Variants in DHX57 observed in about 807,000 individuals in gnomAD.
DHX57 encodes DExH-box helicase 57.
DHX57 carries 105 observed loss-of-function variants against 156.2 expected under a neutral mutation model. The ratio of observed to expected loss-of-function variants is 0.67; its 90% CI spans 0.57 to 0.79. The LOEUF is 0.79. DHX57 is among the 30% of genes least tolerant of loss of function. DHX57 has a pLI of 0.00. For missense variants in DHX57, 1,847 were observed against 1,661.9 expected, an observed-to-expected ratio of 1.11 and a Z score of -1.94; for synonymous variants, 704 against 595.6, an observed-to-expected ratio of 1.18 and a Z score of -2.65.
intron 17 of DHX57, among the ~76,000 whole-genome samples, chr2:38,820,109 T>C (rs890095185): frequency 3.9e-4 from 59 of 152,218 alleles, no homozygotes; most frequent in Non-Finnish European, 1.2e-4. Flanking sequence ...CCAACCATAG[T>C]GCTTCTCTCT....
chr2:38,815,251 T>C (rs1670465824), intron 20 of DHX57, among the ~76,000 whole-genome samples: 1 of 151,484 alleles, frequency 6.6e-6, no homozygotes, highest in South Asian at 2.1e-4. Flanking sequence ...TGTAGAGAGA[T>C]GAGGGATTTC....
chr2:38,822,292 G>C (rs909189500), intron 17 of DHX57, among the ~76,000 whole-genome samples: 2 of 152,098 alleles, frequency 1.3e-5, no homozygotes, highest in Non-Finnish European at 2.9e-5. Context: ...TGTTGGTCAG[G>C]CTGGTCTCAA....
chr2:38,823,428 C>G (rs1172338867), intron 16 of DHX57, among the ~76,000 whole-genome samples, 159 bp from the exon 17 acceptor site: 1 of 152,198 alleles, frequency 6.6e-6, no homozygotes, highest in Non-Finnish European at 1.5e-5. Context: ...AAAACACTTT[C>G]AGATTCTGAA....
intron 13 of DHX57, among the ~76,000 whole-genome samples, chr2:38,836,947 G>A (rs1671702606): frequency 6.6e-6 from 1 of 151,946 alleles, no homozygotes; most frequent in Non-Finnish European, 1.5e-5. Flanking sequence ...CCACCTCTCA[G>A]GCTAAGGCAA....
rs564856474 is a variant in DHX57, at chr2:38,846,971, C to A, written c.2219+48G>T. 7.3e-6 allele frequency: 11 copies of A among 1,516,326 alleles called. No homozygotes were observed. The South Asian group carries it at 1.3e-4, about 18-fold the overall frequency. The allele number at this position is 1,516,326 out of a possible 1,614,324, so 93.9% of individuals were successfully genotyped here. A position where few individuals can be genotyped will look rare whatever the true frequency, so the allele number is the denominator to read the frequency against. The stretch of plus-strand genomic sequence containing the variant: ...AAAGTGCTAGAATTACAGGGATGAA[C>A]CACCATGCCAGGTCCTTTCACTGAA... On this transcript the variant is annotated intron_variant, in intron 11 of 23. Coordinates refer to ENST00000457308, the MANE Select transcript of DHX57 (RefSeq NM_198963.3).
chr2:38,867,570 G>A (rs1031296365), intron 2 of DHX57, among the ~76,000 whole-genome samples: 1 of 152,082 alleles, frequency 6.6e-6, no homozygotes, highest in Non-Finnish European at 1.5e-5. Context: ...TTCAATGTTT[G>A]TTTTTTGAGA....
intron 1 of DHX57, among the ~76,000 whole-genome samples, chr2:38,871,117 G>C (rs1001363784): frequency 5.9e-5 from 9 of 152,016 alleles, no homozygotes; most frequent in Admixed American, 5.2e-4. Context: ...ACTAGTAAAG[G>C]TAATTGAGTA....
intron 1 of DHX57, among the ~76,000 whole-genome samples, chr2:38,872,340 G>C (rs1279321609): frequency 1.3e-5 from 2 of 152,142 alleles, no homozygotes; most frequent in South Asian, 2.1e-4. Context: ...GAGAAATACA[G>C]ACATCCAAAA....
intron 21 of DHX57, among the ~76,000 whole-genome samples, chr2:38,809,792 T>C (rs1414438466): frequency 1.3e-5 from 2 of 152,174 alleles, no homozygotes; most frequent in Non-Finnish European, 2.9e-5. Context: ...GCATTTCTTC[T>C]TGCTAGTAAC....
At position 38,823,267 on chromosome 2, in the gene DHX57, A is replaced by C; in HGVS notation, c.3017T>G (p.Ile1006Ser). ...RVPLEQLCLRIKILEMFSAHN... is the reference protein window; with the variant it reads ...RVPLEQLCLRSKILEMFSAHN... ...AGCACTAAACATCTCTAAAATTTTA[A>C]TTCTGAAAAGGAAACAAAATAATAA... The change falls in exon 17 of 24, where the codon ATT becomes AGT. Residue 1006 changes from isoleucine (I) to serine (S), a missense_variant and splice_region_variant. Coordinates refer to ENST00000457308, the MANE Select transcript of DHX57 (RefSeq NM_198963.3). 1 of 1,609,832 alleles carries C rather than the reference A, an allele frequency of 6.2e-7. No homozygotes were observed. Among genetic ancestry groups the C allele is most frequent in the Non-Finnish European group, 8.5e-7 (1 of 1,176,564 alleles).
intron 5 of DHX57, 112 bp downstream of exon 5, chr2:38,860,887 C>CTTTTTTT: frequency 2.1e-5 from 19 of 886,650 alleles, no homozygotes; most frequent in East Asian, 2.6e-5. Context: ...GACTTAATGG[C>CTTTTTTT]TTGTTCAGCT....
Position 38,828,341 on chromosome 2 carries a change from G to C in DHX57, c.2638C>G (p.Arg880Gly). ...GAATATAGAAAGCAATTAGCTTACCGATTACTACGTCTGTTGTTGAAAAGA... is the reference window on the plus strand; with the variant it reads ...GAATATAGAAAGCAATTAGCTTACCCATTACTACGTCTGTTGTTGAAAAGA... Reference protein sequence around the residue: ...NSLFNNRRSNRCVIHPLHSSL... With the variant: ...NSLFNNRRSNGCVIHPLHSSL... The change falls in exon 14 of 24, where the codon CGA becomes GGA. Residue 880 changes from arginine to glycine, a missense_variant and splice_region_variant. By Grantham distance (125) the Arg-to-Gly change is moderately radical. Coordinates refer to ENST00000457308, the MANE Select transcript of DHX57 (RefSeq NM_198963.3). The C allele has an allele frequency of 6.2e-7, 1 of 1,609,524 alleles. No homozygotes were observed. Among genetic ancestry groups the C allele is most frequent in the Non-Finnish European group, 8.5e-7 (1 of 1,177,582 alleles).
At chr2:38,810,475 T>C (rs1281056986) in intron 21 of DHX57, 2 of 545,724 alleles carry the variant, frequency 3.7e-6, no homozygotes, top group African/African-American at 3.8e-5. Context: ...TGATATTCCT[T>C]CATCCTGAGG....
chr2:38,863,796 T>G (rs1428856010), intron 2 of DHX57, among the ~76,000 whole-genome samples: 1 of 152,172 alleles, frequency 6.6e-6, no homozygotes, highest in Non-Finnish European at 1.5e-5. Context: ...GCGGATCACC[T>G]GAGGTCAGGA....
At chr2:38,823,343 T>A in intron 16 of DHX57, 74 bp from the exon 17 acceptor site, 1 of 1,384,772 alleles carries the variant, frequency 7.2e-7, no homozygotes, top group Non-Finnish European at 9.8e-7. Flanking sequence ...ATTTCTTTTG[T>A]GAGTGATAAT....
chr2:38,843,115 T>G lies in DHX57; in HGVS notation c.2315A>C (p.Glu772Ala), dbSNP rs1216647720. The change falls in exon 12 of 24, where the codon GAA (glutamate) becomes GCA (alanine). Residue 772 changes from glutamate (E) to alanine (A), a missense_variant. Coordinates refer to ENST00000457308, the MANE Select transcript of DHX57 (RefSeq NM_198963.3). ...KARRNRTAFE[E>A]VEEDLRLSLH... ...GGAGAGCCTTAGGTCTTCTTCCACT[T>G]CTTCAAATGCAGTTCTGTTCCGCCT... is the stretch of plus-strand genomic sequence containing the variant. The G allele has an allele frequency of 6.2e-7, 1 of 1,614,220 alleles. No homozygotes were observed. Among genetic ancestry groups the G allele is most frequent in the South Asian group, 1.1e-5 (1 of 91,092 alleles).
intron 12 of DHX57, among the ~76,000 whole-genome samples, chr2:38,839,719 CAA>C (rs778698613): frequency 1.9e-4 from 19 of 100,182 alleles, no homozygotes; most frequent in Admixed American, 3.3e-4. Flanking sequence ...GACTCCGTCT[CAA>C]AAAAAAAAAA....
At chr2:38,874,430 G>T (rs1370055230) in intron 1 of DHX57, among the ~76,000 whole-genome samples, 2 of 114,172 alleles carry the variant, frequency 1.8e-5, no homozygotes, top group African/African-American at 3.8e-5. Context: ...TTTTTTTTGA[G>T]ACAGAGTCTC....
chr2:38,841,583 A>C (rs890228150), intron 12 of DHX57, among the ~76,000 whole-genome samples: 1 of 152,222 alleles, frequency 6.6e-6, no homozygotes, highest in Non-Finnish European at 1.5e-5. Flanking sequence ...CAGAAAAAGG[A>C]AAATTCATTT....
Sources: gnomAD v4.1 joint callset for allele counts (sites outside exome capture counted in the v4.1 genomes callset) on GRCh38, gnomAD v4.1.1 for gene constraint, MANE v1.5 for transcripts, NCBI Gene and HGNC (gene_info 2026-07-23, HGNC 2026-07-21) for gene names.